Variants in METTL24 observed in about 807,000 individuals in gnomAD.
METTL24 encodes the protein methyltransferase like 24.
A neutral mutation model predicts 32.7 loss-of-function variants in METTL24; 29 were observed. That is an observed-to-expected ratio of 0.89 (90% confidence interval 0.66 to 1.21). The LOEUF (loss-of-function observed/expected upper bound fraction) is 1.21. Ranked by LOEUF, METTL24 falls within the 50% of genes most tolerant of loss-of-function variation. METTL24 has a pLI of 0.00. For synonymous variants in METTL24, 163 were observed against 179.5 expected (o/e 0.91, Z 0.73); for missense variants, 439 against 468.1 (o/e 0.94, Z 0.57).
At chr6:110,315,204 C>G in intron 3 of METTL24, 138 bp downstream of exon 3, 1 of 994,486 alleles carries the variant, frequency 1.0e-6, no homozygotes, top group South Asian at 1.5e-5. Flanking sequence ...ACAGACAGAT[C>G]AGTCTGAAAT....
intron 1 of METTL24, among the ~76,000 whole-genome samples, chr6:110,352,580 C>A (rs914070336): frequency 1.4e-5 from 2 of 144,982 alleles, no homozygotes; most frequent in Non-Finnish European, 3.0e-5. Flanking sequence ...TCTTGCACAG[C>A]AAATTTTCAT....
At chr6:110,265,634 A>G (rs1770843195) in intron 4 of METTL24, among the ~76,000 whole-genome samples, 2 of 152,128 alleles carry the variant, frequency 1.3e-5, no homozygotes, top group African/African-American at 4.8e-5. Context: ...TTCCTCCATC[A>G]TTTCAACTGG....
chr6:110,337,877 C>A lies in METTL24; in HGVS notation c.319-15005G>T, dbSNP rs140414107. On this transcript the variant is annotated intron_variant, in intron 1 of 4. Coordinates refer to ENST00000338882, the MANE Select transcript of METTL24 (RefSeq NM_001123364.3). ...GGTGCTTCAGCAATTATTACTTTTACTTCCCATTTTATACTTAATCAAACA... is the reference window on the plus strand; with the variant it reads ...GGTGCTTCAGCAATTATTACTTTTAATTCCCATTTTATACTTAATCAAACA... Among the ~76,000 whole-genome samples, 691 of 152,314 alleles carry A rather than the reference C, an allele frequency of 4.5e-3. 4 individuals carry two copies. Among genetic ancestry groups the A allele is most frequent in the African/African-American group, 0.013 (530 of 41,576 alleles).
chr6:110,298,979 T>A lies in METTL24; in HGVS notation c.729A>T (p.Lys243Asn). Residue 243 changes from lysine (K) to asparagine (N), a missense_variant, in exon 4 of 5, where the codon AAA (lysine) becomes AAT (asparagine). Physicochemically the swap from Lys to Asn is moderately conservative, Grantham distance 94. Coordinates refer to ENST00000338882, the MANE Select transcript of METTL24 (RefSeq NM_001123364.3). The stretch of plus-strand genomic sequence containing the variant: ...CCAGTTTTCTGGTGTTGCTATGTGG[T>A]TTTTGGGCAGCAACAGCTGGATGGG... ...RDPHPAVAAQKPHSNTRKLGS... is the reference protein window; with the variant it reads ...RDPHPAVAAQNPHSNTRKLGS... The A allele has an allele frequency of 6.2e-7, 1 of 1,614,162 alleles. No individual in the cohort carries two copies. Among genetic ancestry groups the A allele is most frequent in the Non-Finnish European group, 8.5e-7 (1 of 1,180,024 alleles).
At chr6:110,333,694 G>A (rs887845535) in intron 1 of METTL24, among the ~76,000 whole-genome samples, 7 of 152,128 alleles carry the variant, frequency 4.6e-5, no homozygotes, top group Middle Eastern at 3.4e-3. Context: ...TGCCCACCTC[G>A]GCCTCCCAAA....
chr6:110,357,150 C>T (rs1363645471), intron 1 of METTL24, among the ~76,000 whole-genome samples: 1 of 152,114 alleles, frequency 6.6e-6, no homozygotes, highest in African/African-American at 2.4e-5. Context: ...ATGAGGAGAG[C>T]TCATACCTGT....
At chr6:110,346,187 C>A (rs1386736720) in intron 1 of METTL24, among the ~76,000 whole-genome samples, 3 of 152,176 alleles carry the variant, frequency 2.0e-5, no homozygotes, top group African/African-American at 7.2e-5. Context: ...CTTGAAAGAT[C>A]CAGCTGTTCC....
chr6:110,311,768 T>C (rs55844225), intron 3 of METTL24, among the ~76,000 whole-genome samples: 43,622 of 152,026 alleles, frequency 0.29, 11,457 homozygotes, highest in African/African-American at 0.7. Flanking sequence ...GCTTGAGCAG[T>C]GGGCATGAGC....
intron 1 of METTL24, among the ~76,000 whole-genome samples, chr6:110,350,808 A>C (rs969349059): frequency 1.3e-5 from 2 of 148,426 alleles, no homozygotes; most frequent in Non-Finnish European, 3.0e-5. Context: ...AAAATAAAAT[A>C]AAATAAAATA....
rs545167083 is a variant in METTL24 at position 110,302,016 on chromosome 6, C to T, written c.558-2866G>A. Among the ~76,000 whole-genome samples the T allele has an allele frequency of 2.6e-5, 4 of 152,212 alleles. No homozygotes were observed. The South Asian group carries it at 8.3e-4, about 32-fold the overall frequency. On this transcript the variant is annotated intron_variant, in intron 3 of 4. Transcript: ENST00000338882. ...TATGGCTGCATGCGGTGGCTCACAC[C>T]TGTAATCCCAGCACTTTAGGAGGCC...
rs985698046 is a variant in METTL24 at position 110,309,870 on chromosome 6, A to C, written c.557+5472T>G. On this transcript the variant is annotated intron_variant, in intron 3 of 4. Coordinates refer to ENST00000338882, the MANE Select transcript of METTL24 (RefSeq NM_001123364.3). ...AAATGTATTCTTAGGAGCAAAAAAAACAAAACAAAACAAAACAAAACAAAA... is the reference window on the plus strand; with the variant it reads ...AAATGTATTCTTAGGAGCAAAAAAACCAAAACAAAACAAAACAAAACAAAA... Among the ~76,000 whole-genome samples the C allele has an allele frequency of 5.3e-4, 71 of 132,964 alleles. 1 individual carries two copies. Among genetic ancestry groups the C allele is most frequent in the Admixed American group, 1.5e-3 (21 of 13,600 alleles). The allele number at this position is 132,964 out of a possible 152,430, so 87.2% of individuals were successfully genotyped here. A position where few individuals can be genotyped will look rare whatever the true frequency, so the allele number is the denominator to read the frequency against.
intron 4 of METTL24, among the ~76,000 whole-genome samples, chr6:110,262,398 C>G (rs1251156146): frequency 1.3e-5 from 2 of 151,984 alleles, no homozygotes; most frequent in Non-Finnish European, 2.9e-5. Flanking sequence ...ACACATACAC[C>G]ATCCCAAGAC....
rs541860304 is a variant in METTL24 at position 110,266,115 on chromosome 6, A to G, written c.787-19855T>C. Among the ~76,000 whole-genome samples the G allele has an allele frequency of 1.9e-3, 294 of 152,094 alleles. 1 individual carries two copies. Among genetic ancestry groups the G allele is most frequent in the African/African-American group, 6.8e-3 (281 of 41,494 alleles). ...AGATGGGGTCTTATTATATTACCCA[A>G]GCTGGTCTTGAACTCCTGGCATCAA... is the stretch of plus-strand genomic sequence containing the variant. On this transcript the variant is annotated intron_variant, in intron 4 of 4. Transcript: ENST00000338882.
At chr6:110,352,216 T>C (rs937373045) in intron 1 of METTL24, among the ~76,000 whole-genome samples, 9 of 152,236 alleles carry the variant, frequency 5.9e-5, no homozygotes, top group Admixed American at 5.9e-4. Context: ...ATGCCGTCAC[T>C]GAGCTTAGCA....
chr6:110,254,913 T>G (rs1778354546), intron 4 of METTL24, among the ~76,000 whole-genome samples: 1 of 152,180 alleles, frequency 6.6e-6, no homozygotes, highest in African/African-American at 2.4e-5. Context: ...AAGAGGGTCT[T>G]GTTGTTGTAG....
chr6:110,265,448 AC>A (rs138660128), intron 4 of METTL24, among the ~76,000 whole-genome samples: 4,220 of 152,334 alleles, frequency 0.028, 72 homozygotes, highest in Middle Eastern at 0.048. Flanking sequence ...TTCTTCTTCA[AC>A]AACAAAACCC....
rs549047496 is a variant in METTL24 at position 110,324,821 on chromosome 6, A to T, written c.319-1949T>A. 1.2e-4 allele frequency among the ~76,000 whole-genome samples: 18 copies of T among 152,334 alleles called. No individual in the cohort carries two copies. The South Asian group carries it at 2.3e-3, about 19-fold the overall frequency. ...GATGTTGATTACCATTTGGTCAAAC[A>T]ATATTTATTGAGCCTTAGCCACTCT... On this transcript the variant is annotated intron_variant, in intron 1 of 4. Transcript: ENST00000338882.
intron 4 of METTL24, among the ~76,000 whole-genome samples, chr6:110,289,702 CA>C (rs552446927): frequency 7.2e-5 from 11 of 152,048 alleles, no homozygotes; most frequent in Non-Finnish European, 1.6e-4. Context: ...GATAAGAAAA[CA>C]TGGAAAATAT....
chr6:110,289,689 A>G (rs1279498825), intron 4 of METTL24, among the ~76,000 whole-genome samples: 2 of 152,214 alleles, frequency 1.3e-5, no homozygotes, highest in African/African-American at 2.4e-5. Context: ...GAATTAAAAA[A>G]TGGATAAGAA....
Sources: gnomAD v4.1 joint callset for allele counts (sites outside exome capture counted in the v4.1 genomes callset) on GRCh38, gnomAD v4.1.1 for gene constraint, MANE v1.5 for transcripts, NCBI Gene and HGNC (gene_info 2026-07-23, HGNC 2026-07-21) for gene names.